AGPAT3: variants seen among roughly 807,000 people sequenced by gnomAD.
AGPAT3 encodes 1-acyl-sn-glycerol-3-phosphate acyltransferase gamma.
AGPAT3 carries 5 observed loss-of-function variants against 47.3 expected under a neutral mutation model. That is an observed-to-expected ratio of 0.11 (90% CI 0.06 to 0.22). The LOEUF is 0.22. AGPAT3 is among the 10% of genes least tolerant of loss of function. AGPAT3 has a pLI of 1.00. For missense variants in AGPAT3, 315 were observed against 493.0 expected (o/e 0.64, Z 3.42); for synonymous variants, 212 against 208.3 (o/e 1.02, Z -0.15).
chr21:43,980,288 A>C (rs1242693386), intron 8 of AGPAT3, among the ~76,000 whole-genome samples: 13 of 149,450 alleles, frequency 8.7e-5, no homozygotes, highest in African/African-American at 2.8e-4. Flanking sequence ...AAAAAAAAAA[A>C]AAACAAAAAA....
intron 1 of AGPAT3, among the ~76,000 whole-genome samples, chr21:43,896,732 A>G (rs2086224608): frequency 6.6e-6 from 1 of 152,142 alleles, no homozygotes; most frequent in Non-Finnish European, 1.5e-5. Context: ...TATTACTGTG[A>G]AATTATCTTC....
intron 1 of AGPAT3, among the ~76,000 whole-genome samples, chr21:43,878,496 G>A (rs1218643790): frequency 2.0e-5 from 3 of 152,210 alleles, no homozygotes; most frequent in Admixed American, 6.5e-5. Flanking sequence ...CACTGATGCC[G>A]CTCCGTTTTC....
rs1472860313 is a variant in AGPAT3 at position 43,952,107 on chromosome 21, G to A, written c.-48-7527G>A. On this transcript the variant is annotated intron_variant, in intron 2 of 9. Transcript: ENST00000291572. This position sits in a 1 kb window ranked among gnomAD's most constrained non-coding sequence, Gnocchi z 5.6. ...GGGCCCGTACCTCTCCAGAACTACG[G>A]ACCTGGGATGAGGCGGCCTGTGAGT... is the stretch of plus-strand genomic sequence containing the variant. Among the ~76,000 whole-genome samples, 1 of 152,118 alleles carries A rather than the reference G, an allele frequency of 6.6e-6. No homozygotes were observed. Among genetic ancestry groups the A allele is most frequent in the Non-Finnish European group, 1.5e-5 (1 of 68,014 alleles).
At chr21:43,961,638 G>A (rs560041067) in intron 3 of AGPAT3, among the ~76,000 whole-genome samples, 7 of 150,568 alleles carry the variant, frequency 4.6e-5, no homozygotes, top group African/African-American at 1.2e-4. Flanking sequence ...AACGGTGAGC[G>A]CGTATACGCT....
chr21:43,974,265 TG>T (rs2089514810), intron 7 of AGPAT3, among the ~76,000 whole-genome samples: 1 of 152,112 alleles, frequency 6.6e-6, no homozygotes. Flanking sequence ...TATATGTGTG[TG>T]GTATGTGTGT....
intron 1 of AGPAT3, among the ~76,000 whole-genome samples, chr21:43,883,412 T>G (rs2085897981): frequency 6.6e-6 from 1 of 152,168 alleles, no homozygotes; most frequent in South Asian, 2.1e-4. Flanking sequence ...TAGGAGCCCC[T>G]TGCATAAATA....
intron 4 of AGPAT3, among the ~76,000 whole-genome samples, chr21:43,968,599 G>A (rs1389138302): frequency 6.6e-6 from 1 of 152,008 alleles, no homozygotes. Context: ...TCCTCCTGGG[G>A]CGTCTCTTTG....
chr21:43,984,428 T>G lies in AGPAT3; in HGVS notation c.*2036T>G, dbSNP rs2030041207. 1 of 152,500 alleles carries G rather than the reference T, an allele frequency of 6.6e-6. No individual in the cohort carries two copies. Among genetic ancestry groups the G allele is most frequent in the Admixed American group, 6.5e-5 (1 of 15,294 alleles). 9.4% of individuals were successfully genotyped at this position (152,500 alleles called of 1,614,324 possible). ...CCATGCACATATGTGACCTGGAAAA[T>G]GCAAATTTAGATCTTTTATGATTTA... is the stretch of plus-strand genomic sequence containing the variant. On this transcript the variant is annotated 3_prime_UTR_variant, in exon 10 of 10. Coordinates refer to ENST00000291572, the MANE Select transcript of AGPAT3 (RefSeq NM_020132.5).
chr21:43,892,310 AAAAAAAAAAG>A lies in AGPAT3; in HGVS notation c.-111-11633_-111-11624del, dbSNP rs777846367. Among the ~76,000 whole-genome samples, 20 of 151,604 alleles carry A rather than the reference AAAAAAAAAAG, an allele frequency of 1.3e-4. No individual in the cohort carries two copies. In the South Asian group the frequency reaches 4.0e-3, roughly 30 times the overall value. On this transcript the variant is annotated intron_variant, in intron 1 of 9. Coordinates refer to ENST00000291572, the MANE Select transcript of AGPAT3 (RefSeq NM_020132.5). Reference sequence around the variant, plus strand: ...CAACAAGAGCAAAACTCTGTCTCAAAAAAAAAAAAGAAAAAAAAAGAAATTACTCCTTGAT... The same window carrying A: ...CAACAAGAGCAAAACTCTGTCTCAAAAAAAAAAAAGAAATTACTCCTTGAT...
chr21:43,885,780 C>T (rs913768499), intron 1 of AGPAT3, among the ~76,000 whole-genome samples: 10 of 152,194 alleles, frequency 6.6e-5, no homozygotes, highest in Admixed American at 1.3e-4. Context: ...CTGGAGTATA[C>T]GGCCGGGGTT....
At chr21:43,961,391 C>T (rs989884871) in intron 3 of AGPAT3, among the ~76,000 whole-genome samples, 2 of 151,868 alleles carry the variant, frequency 1.3e-5, no homozygotes, top group African/African-American at 2.4e-5. Flanking sequence ...ATGGTGAACC[C>T]ACATACACTT....
chr21:43,965,122 G>A (rs1437687725), intron 3 of AGPAT3: 1 of 152,492 alleles, frequency 6.6e-6, no homozygotes, highest in Non-Finnish European at 1.5e-5. Flanking sequence ...TAGAGACAGG[G>A]TTTTGCCATG....
At chr21:43,869,332 GTGAT>G (rs375573640) in intron 1 of AGPAT3, among the ~76,000 whole-genome samples, 90 of 152,334 alleles carry the variant, frequency 5.9e-4, no homozygotes, top group African/African-American at 1.5e-3. Flanking sequence ...TCTAATTGGA[GTGAT>G]TGATTGAGTG....
chr21:43,960,817 C>T, intron 3 of AGPAT3: 2 of 967,000 alleles, frequency 2.1e-6, no homozygotes, highest in Non-Finnish European at 2.5e-6. Context: ...AGAAAGGATG[C>T]TGTGTGTGTG....
chr21:43,886,255 T>A (rs1036888574), intron 1 of AGPAT3, among the ~76,000 whole-genome samples: 1 of 152,106 alleles, frequency 6.6e-6, no homozygotes, highest in Non-Finnish European at 1.5e-5. Flanking sequence ...CTTTTTTTAT[T>A]AAAAAAATTT....
At chr21:43,935,840 A>G (rs1156483541) in intron 2 of AGPAT3, among the ~76,000 whole-genome samples, 2 of 152,028 alleles carry the variant, frequency 1.3e-5, no homozygotes, top group East Asian at 3.9e-4. Flanking sequence ...GCTACTCTGG[A>G]GATTAAGGAG....
chr21:43,921,141 A>G (rs992819773), intron 2 of AGPAT3, among the ~76,000 whole-genome samples: 2 of 152,008 alleles, frequency 1.3e-5, no homozygotes, highest in Non-Finnish European at 2.9e-5. Flanking sequence ...AAAACAGTAA[A>G]TGTGTCTCCC....
chr21:43,971,217 A>G (rs867341874), intron 6 of AGPAT3, among the ~76,000 whole-genome samples, 171 bp from the exon 7 acceptor site: 7 of 152,154 alleles, frequency 4.6e-5, no homozygotes, highest in African/African-American at 1.4e-4. Context: ...AAAGAGGGGG[A>G]AAGAAAACTT....
rs2146305081 is a variant in AGPAT3, at chr21:43,934,424, G to A, written c.-48-25210G>A. Reference sequence around the variant, plus strand: ...CCCAGGCCGTCGGCTGCCTGGCCCTGGCCTGCGTGGCAGCGCAACCTCGTT... The same window carrying A: ...CCCAGGCCGTCGGCTGCCTGGCCCTAGCCTGCGTGGCAGCGCAACCTCGTT... On this transcript the variant is annotated intron_variant, in intron 2 of 9. Transcript: ENST00000291572. The surrounding 1 kb of genome is among the most constrained non-coding windows in gnomAD (Gnocchi z 4.7). Among the ~76,000 whole-genome samples, 1 of 152,384 alleles carries A rather than the reference G, an allele frequency of 6.6e-6. No individual in the cohort carries two copies. Among genetic ancestry groups the A allele is most frequent in the African/African-American group, 2.4e-5 (1 of 41,588 alleles).
Sources: gnomAD v4.1 joint callset for allele counts (sites outside exome capture counted in the v4.1 genomes callset) on GRCh38, gnomAD v4.1.1 for gene constraint, Gnocchi (gnomAD v3.1) non-coding constraint, MANE v1.5 for transcripts, NCBI Gene and HGNC (gene_info 2026-07-23, HGNC 2026-07-21) for gene names.